The following TXK variants were observed in gnomAD, a reference collection of about 807,000 sequenced individuals.
TXK encodes TXK tyrosine kinase.
A neutral mutation model predicts 81.0 loss-of-function variants in TXK; 60 were observed. That is an observed-to-expected ratio of 0.74 (90% CI 0.60 to 0.92). The LOEUF is 0.92. TXK is among the 40% of genes least tolerant of loss of function. TXK has a pLI of 0.00. For synonymous variants in TXK, 203 were observed against 210.7 expected (o/e 0.96, Z 0.32); for missense variants, 581 against 638.3 (o/e 0.91, Z 0.97).
At chr4:48,084,938 T>C (rs1398039904) in intron 10 of TXK, among the ~76,000 whole-genome samples, 1 of 152,236 alleles carries the variant, frequency 6.6e-6, no homozygotes, top group African/African-American at 2.4e-5. Flanking sequence ...CTGATTGTTG[T>C]TTGCTTGTTT....
At chr4:48,074,676 A>T (rs1479064464) in intron 12 of TXK, among the ~76,000 whole-genome samples, 4 of 152,134 alleles carry the variant, frequency 2.6e-5, no homozygotes, top group Admixed American at 1.3e-4. Context: ...CGGGATGTCC[A>T]AATGTCAGAC....
intron 6 of TXK, among the ~76,000 whole-genome samples, chr4:48,098,679 G>A (rs958300846): frequency 2.0e-5 from 3 of 151,894 alleles, no homozygotes; most frequent in African/African-American, 7.2e-5. Flanking sequence ...ATCTGAAAAA[G>A]GGCCGGACGC....
chr4:48,129,815 T>C (rs1245741807), intron 1 of TXK, among the ~76,000 whole-genome samples: 2 of 152,194 alleles, frequency 1.3e-5, no homozygotes, highest in African/African-American at 4.8e-5. Context: ...CAGTGTTTCC[T>C]AGAACACTGT....
intron 14 of TXK, among the ~76,000 whole-genome samples, chr4:48,070,121 T>A (rs1716778212): frequency 6.8e-6 from 1 of 147,752 alleles, no homozygotes; most frequent in Non-Finnish European, 1.5e-5. Context: ...GTGCTTTATT[T>A]TTTCAGCCAG....
intron 1 of TXK, among the ~76,000 whole-genome samples, chr4:48,131,442 TTTTTG>T (rs992728964): frequency 7.5e-6 from 1 of 132,898 alleles, no homozygotes; most frequent in Admixed American, 7.7e-5. Flanking sequence ...CGCTGGACTT[TTTTTG>T]TTTGTTTGTT....
intron 10 of TXK, among the ~76,000 whole-genome samples, chr4:48,084,774 C>T (rs1422073236): frequency 6.6e-6 from 1 of 152,180 alleles, no homozygotes; most frequent in Non-Finnish European, 1.5e-5. Context: ...ATAGGACCCT[C>T]AGGGTATGGG....
chr4:48,117,179 C>T (rs563480256), intron 1 of TXK, among the ~76,000 whole-genome samples: 9 of 152,292 alleles, frequency 5.9e-5, no homozygotes, highest in African/African-American at 1.2e-4. Flanking sequence ...TGAGTCACCG[C>T]GCTCGGCCCA....
intron 1 of TXK, among the ~76,000 whole-genome samples, chr4:48,126,183 A>G (rs1719085911): frequency 6.6e-6 from 1 of 152,200 alleles, no homozygotes; most frequent in Admixed American, 6.5e-5. Context: ...CCTGAGACAG[A>G]AAGACCAATC....
At chr4:48,088,598 C>T (rs576246840) in intron 9 of TXK, among the ~76,000 whole-genome samples, 3 of 152,242 alleles carry the variant, frequency 2.0e-5, no homozygotes, top group South Asian at 4.1e-4. Context: ...GTTTATATAA[C>T]GTAATCAAAC....
At chr4:48,073,100 T>TG (rs1319156230) in intron 13 of TXK, among the ~76,000 whole-genome samples, 1 of 150,462 alleles carries the variant, frequency 6.6e-6, no homozygotes, top group African/African-American at 2.4e-5. Context: ...AATTTTTTTT[T>TG]TTTTTTTGTA....
At chr4:48,128,366 G>T (rs531714583) in intron 1 of TXK, among the ~76,000 whole-genome samples, 1 of 152,196 alleles carries the variant, frequency 6.6e-6, no homozygotes, top group Non-Finnish European at 1.5e-5. Context: ...GTCTGATACC[G>T]GCTGCTTTTG....
At chr4:48,116,331 A>G (rs1487138466) in intron 1 of TXK, among the ~76,000 whole-genome samples, 1 of 152,240 alleles carries the variant, frequency 6.6e-6, no homozygotes, top group East Asian at 1.9e-4. Context: ...TTATAATAGG[A>G]TCGTGGTGAA....
At chr4:48,113,734 TCCA>T (rs1718715277) in intron 2 of TXK, among the ~76,000 whole-genome samples, 8 of 152,154 alleles carry the variant, frequency 5.3e-5, no homozygotes. Flanking sequence ...GAATCCCAGC[TCCA>T]CCATTTCATA....
chr4:48,085,292 C>CT (rs35009099), intron 10 of TXK, among the ~76,000 whole-genome samples: 1 of 152,072 alleles, frequency 6.6e-6, no homozygotes, highest in Non-Finnish European at 1.5e-5. Flanking sequence ...AAAGCAAATA[C>CT]TTTTTTATCC....
chr4:48,089,026 G>A (rs1272813173), intron 9 of TXK, among the ~76,000 whole-genome samples: 5 of 152,078 alleles, frequency 3.3e-5, no homozygotes, highest in African/African-American at 1.2e-4. Context: ...ATTGAACTTT[G>A]TGCATGTTCT....
At chr4:48,106,494 G>A (rs1718464548) in intron 5 of TXK, among the ~76,000 whole-genome samples, 1 of 151,890 alleles carries the variant, frequency 6.6e-6, no homozygotes, top group Non-Finnish European at 1.5e-5. Context: ...AAGGAGTTAG[G>A]GACAGGAATC....
chr4:48,125,996 C>T (rs181994774), intron 1 of TXK, among the ~76,000 whole-genome samples: 1 of 152,360 alleles, frequency 6.6e-6, no homozygotes, highest in East Asian at 1.9e-4. Context: ...TAATCTCATC[C>T]AAAAATTACC....
chr4:48,112,456 G>C lies in TXK; in HGVS notation c.231C>G (p.Pro77=), dbSNP rs763055212. Residue 77 remains proline (P), a synonymous_variant, in exon 4 of 15, where the codon CCC becomes CCG. Transcript: ENST00000264316. ...SKRKPLPPLP[P]SEVAEEKIQV... is the part of the protein sequence containing the mutation. ...GGATCTTCTCTTCAGCAACCTCAGA[G>C]GGTGGGAGGGGAGGCAGTGGCTTTC... 2.4e-5 allele frequency: 39 copies of C among 1,614,078 alleles called. No homozygotes were observed. Among genetic ancestry groups the C allele is most frequent in the Non-Finnish European group, 3.1e-5 (37 of 1,180,034 alleles).
intron 14 of TXK, 67 bp downstream of exon 14, chr4:48,071,450 G>C: frequency 6.8e-7 from 1 of 1,471,264 alleles, no homozygotes; most frequent in Non-Finnish European, 9.3e-7. Flanking sequence ...AGTAATGTTT[G>C]TGATAATCAG....
Sources: allele counts gnomAD v4.1 joint callset (sites outside exome capture counted in the v4.1 genomes callset), GRCh38; gene constraint gnomAD v4.1.1; transcripts MANE v1.5; gene names NCBI Gene and HGNC (gene_info 2026-07-23, HGNC 2026-07-21).